The following TRAPPC12 variants were observed in gnomAD, a reference collection of about 807,000 sequenced individuals.
TRAPPC12 encodes the protein TPR repeat protein 15.
In TRAPPC12, 61 loss-of-function variants were observed where a neutral mutation model predicts 69.2. That is an observed-to-expected ratio of 0.88 (90% CI 0.72 to 1.09). The LOEUF is 1.09. TRAPPC12 is among the 50% of genes least tolerant of loss of function. The pLI, the probability that TRAPPC12 is intolerant of heterozygous loss-of-function variation, is 0.00. For synonymous variants in TRAPPC12, 469 were observed against 438.9 expected (o/e 1.07, Z -0.86); for missense variants, 1,101 against 1,016.4 (o/e 1.08, Z -1.13).
intron 4 of TRAPPC12, among the ~76,000 whole-genome samples, chr2:3,423,322 T>TTGTGTGTGTGTGTGTGTG (rs34767789): frequency 2.0e-5 from 3 of 149,082 alleles, no homozygotes. Context: ...TCGCATGCCT[T>TTGTGTGTGTGTGTGTGTG]TGTGTGTGTG....
intron 8 of TRAPPC12, among the ~76,000 whole-genome samples, chr2:3,464,196 TACAC>T (rs1330491972): frequency 4.0e-5 from 6 of 151,296 alleles, no homozygotes; most frequent in East Asian, 1.9e-4. Flanking sequence ...CACACACGCT[TACAC>T]ACACATGCTC....
chr2:3,474,423 A>G (rs1195052695), intron 9 of TRAPPC12, among the ~76,000 whole-genome samples: 1 of 152,152 alleles, frequency 6.6e-6, no homozygotes, highest in Non-Finnish European at 1.5e-5. Context: ...CACTGACTCA[A>G]GTGTTCATCT....
chr2:3,411,092 A>G (rs757309803), intron 3 of TRAPPC12, among the ~76,000 whole-genome samples: 16 of 152,228 alleles, frequency 1.1e-4, no homozygotes, highest in Non-Finnish European at 2.1e-4. Flanking sequence ...GCATCACAGA[A>G]TTGAACATCA....
chr2:3,389,708 A>G (rs138841956), intron 2 of TRAPPC12: 82 of 471,072 alleles, frequency 1.7e-4, no homozygotes, highest in African/African-American at 1.4e-3. Context: ...CTGTCTTGGT[A>G]CCTGCACTCC....
Position 3,443,910 on chromosome 2 carries a change from C to T in TRAPPC12, c.1530+19C>T. On this transcript the variant is annotated intron_variant, in intron 6 of 11. Coordinates refer to ENST00000324266, the MANE Select transcript of TRAPPC12 (RefSeq NM_016030.6). ...CAGCAAGGTAGGTGGCGCTGTCATT[C>T]TTCCCTGCCACGGGGAGAACATGCC... 6.3e-7 allele frequency: 1 copy of T among 1,588,688 alleles called. No individual in the cohort carries two copies. The highest frequency in any genetic ancestry group is 8.6e-7 in the Non-Finnish European group (1 of 1,158,026).
intron 6 of TRAPPC12, among the ~76,000 whole-genome samples, chr2:3,445,926 G>A (rs776657179): frequency 2.0e-5 from 3 of 152,244 alleles, no homozygotes; most frequent in East Asian, 1.9e-4. Flanking sequence ...AGATGGGCTC[G>A]AGCCTGTGCT....
At chr2:3,421,194 C>T (rs1558368920) in intron 3 of TRAPPC12, among the ~76,000 whole-genome samples, 2 of 152,218 alleles carry the variant, frequency 1.3e-5, no homozygotes, top group Non-Finnish European at 2.9e-5. Flanking sequence ...TTTTCCCATT[C>T]ATTTGCCTAA....
intron 2 of TRAPPC12, among the ~76,000 whole-genome samples, chr2:3,396,547 TTC>T (rs1431726313): frequency 2.0e-5 from 3 of 152,292 alleles, no homozygotes; most frequent in East Asian, 3.9e-4. Context: ...TCTGTGTTTT[TTC>T]TCTCTCCTAC....
chr2:3,427,654 G>A (rs759008129), intron 5 of TRAPPC12, among the ~76,000 whole-genome samples: 4 of 152,210 alleles, frequency 2.6e-5, no homozygotes, highest in Non-Finnish European at 4.4e-5. Context: ...TTGGGAGGCC[G>A]TGAAGATCTC....
At position 3,388,319 on chromosome 2, in the gene TRAPPC12, C is replaced by G. The variant is rs1322376303; in HGVS notation, c.696C>G (p.Phe232Leu). ...TCGACTCCTTTACTACCTCCGCCTT[C>G]ATTTCCGTCAGCAATCCCGGCGCGG... The part of the protein sequence containing the change: ...DFFDSFTTSA[F>L]ISVSNPGAGS... The change falls in exon 2 of 12, where the codon TTC becomes TTG. Residue 232 changes from phenylalanine to leucine, a missense_variant. Phe to Leu is a conservative substitution (Grantham distance 22). Coordinates refer to ENST00000324266, the MANE Select transcript of TRAPPC12 (RefSeq NM_016030.6). 1 of 1,604,260 alleles carries G rather than the reference C, an allele frequency of 6.2e-7. No individual in the cohort carries two copies. The highest frequency in any genetic ancestry group is 1.4e-5 in the African/African-American group (1 of 73,422).
At chr2:3,409,084 T>C (rs532081482) in intron 3 of TRAPPC12, among the ~76,000 whole-genome samples, 54 of 152,290 alleles carry the variant, frequency 3.5e-4, no homozygotes, top group Non-Finnish European at 4.4e-4. Flanking sequence ...TCCCCTCTGG[T>C]GCCATGCCCT....
intron 2 of TRAPPC12, chr2:3,388,905 G>GCAGA: frequency 4.4e-6 from 2 of 457,198 alleles, no homozygotes; most frequent in Non-Finnish European, 7.6e-6. Flanking sequence ...TACCACCAAG[G>GCAGA]CAGACAGTTC....
At chr2:3,447,622 A>G (rs1433486346) in intron 6 of TRAPPC12, among the ~76,000 whole-genome samples, 1 of 151,982 alleles carries the variant, frequency 6.6e-6, no homozygotes. Flanking sequence ...ACCAGGCCCC[A>G]CCTCCAACAC....
chr2:3,474,174 C>T (rs182973792), intron 9 of TRAPPC12, among the ~76,000 whole-genome samples: 1 of 152,286 alleles, frequency 6.6e-6, no homozygotes, highest in Admixed American at 6.5e-5. Flanking sequence ...TTAGTTGGGG[C>T]TCTCTAGAGG....
chr2:3,457,829 CT>C, intron 7 of TRAPPC12, 136 bp downstream of exon 7: 1 of 1,459,776 alleles, frequency 6.9e-7, no homozygotes, highest in East Asian at 2.4e-5. Context: ...GCATTTGCAA[CT>C]CACTCCTTTC....
intron 5 of TRAPPC12, 49 bp from the exon 6 acceptor site, chr2:3,443,729 GC>G: frequency 7.0e-7 from 1 of 1,438,456 alleles, no homozygotes; most frequent in South Asian, 1.1e-5. Context: ...AAGTATGAAT[GC>G]GTGCTCAGTT....
chr2:3,389,749 A>G (rs1660717934), intron 2 of TRAPPC12: 1 of 471,032 alleles, frequency 2.1e-6, no homozygotes, highest in Non-Finnish European at 4.4e-6. Context: ...CCTGCCTCCA[A>G]GAAGAACGAG....
Position 3,478,858 on chromosome 2 carries a change from C to T in TRAPPC12, c.1890C>T (p.His630=). The change falls in exon 11 of 12, where the codon CAC becomes CAT. Residue 630 remains histidine (H), a synonymous_variant. Coordinates refer to ENST00000324266, the MANE Select transcript of TRAPPC12 (RefSeq NM_016030.6). Reference sequence around the variant, plus strand: ...GCTTGTGTTACAGCGCGTTCCTTCACCTCGGGCAGAATAACTTTGCAGAAG... The same window carrying T: ...GCTTGTGTTACAGCGCGTTCCTTCATCTCGGGCAGAATAACTTTGCAGAAG... ...IMVLMNSAFL[H]LGQNNFAEAH... 6.2e-7 allele frequency: 1 copy of T among 1,614,126 alleles called. No homozygotes were observed. The highest frequency in any genetic ancestry group is 8.5e-7 in the Non-Finnish European group (1 of 1,180,034).
intron 2 of TRAPPC12, among the ~76,000 whole-genome samples, chr2:3,397,095 C>T (rs1009511870): frequency 2.6e-5 from 4 of 152,232 alleles, no homozygotes; most frequent in Admixed American, 2.6e-4. Flanking sequence ...TTACGGGACA[C>T]ATGTTTTACA....
Sources: gnomAD v4.1 joint callset for allele counts (sites outside exome capture counted in the v4.1 genomes callset) on GRCh38, gnomAD v4.1.1 for gene constraint, MANE v1.5 for transcripts, NCBI Gene and HGNC (gene_info 2026-07-23, HGNC 2026-07-21) for gene names.